The following VGLL4 variants were observed in gnomAD, a reference collection of about 807,000 sequenced individuals.
VGLL4 encodes transcription cofactor vestigial-like protein 4.
A neutral mutation model predicts 21.0 loss-of-function variants in VGLL4; 7 were observed. That is an observed-to-expected ratio of 0.33 (90% CI 0.19 to 0.63). VGLL4 has a LOEUF of 0.63. VGLL4 is among the 20% of genes least tolerant of loss of function. The probability of loss-of-function intolerance (pLI) is 0.78; values close to 1 mark genes in which losing one functional copy is unlikely to be tolerated. For synonymous variants in VGLL4, 222 were observed against 173.2 expected, an observed-to-expected ratio of 1.28 and a Z score of -2.21; for missense variants, 394 against 425.7, an observed-to-expected ratio of 0.93 and a Z score of 0.66.
chr3:11,650,744 CAG>C (rs1553738716), intron 2 of VGLL4, among the ~76,000 whole-genome samples: 13 of 146,828 alleles, frequency 8.9e-5, no homozygotes, highest in Admixed American at 3.4e-4. Context: ...CACACACACA[CAG>C]ACACACACTT....
intron 1 of VGLL4, among the ~76,000 whole-genome samples, chr3:11,705,847 C>T (rs1344707422): frequency 3.3e-5 from 5 of 151,192 alleles, no homozygotes; most frequent in South Asian, 2.1e-4. Flanking sequence ...CATGAACCCG[C>T]GAGGCGGAGC....
At chr3:11,571,751 G>A (rs565925908) in intron 2 of VGLL4, among the ~76,000 whole-genome samples, 8 of 152,142 alleles carry the variant, frequency 5.3e-5, no homozygotes, top group African/African-American at 1.4e-4. Flanking sequence ...CCATGGACCC[G>A]GCAACACAGG....
intron 2 of VGLL4, among the ~76,000 whole-genome samples, chr3:11,652,689 G>C (rs1348429765): frequency 6.6e-6 from 1 of 152,138 alleles, no homozygotes; most frequent in Non-Finnish European, 1.5e-5. Context: ...CCAAAGTACT[G>C]GGACTACAGG....
intron 1 of VGLL4, among the ~76,000 whole-genome samples, chr3:11,623,969 T>A (rs961334440): frequency 5.9e-5 from 9 of 151,908 alleles, no homozygotes; most frequent in African/African-American, 2.2e-4. Context: ...CTCGAACTCC[T>A]GGGCTCAAGT....
At chr3:11,632,334 T>A (rs1346928494) in intron 1 of VGLL4, among the ~76,000 whole-genome samples, 1 of 151,804 alleles carries the variant, frequency 6.6e-6, no homozygotes, top group Non-Finnish European at 1.5e-5. Context: ...AAAAATAAAA[T>A]AAAATTCACT....
chr3:11,558,859 C>T (rs1042355164), intron 4 of VGLL4, 32 bp from the exon 5 acceptor site: 9 of 1,604,728 alleles, frequency 5.6e-6, no homozygotes, highest in Non-Finnish European at 6.8e-6. Context: ...GGCAGTCAGA[C>T]ACAGGTGGCT....
intron 1 of VGLL4, among the ~76,000 whole-genome samples, chr3:11,617,007 A>G (rs1166496503): frequency 2.6e-5 from 4 of 152,230 alleles, no homozygotes; most frequent in Admixed American, 6.5e-5. Flanking sequence ...GACATTTATC[A>G]TAGTAGGAAT....
At position 11,564,954 on chromosome 3, in the gene VGLL4, C is replaced by T. The variant is rs757243456; in HGVS notation, c.338G>A (p.Arg113His). The change falls in exon 3 of 5, where the codon CGC becomes CAC. Residue 113 changes from arginine (R) to histidine (H), a missense_variant. Physicochemically the swap from Arg to His is conservative, Grantham distance 29. Transcript: ENST00000430365. ...PRERSRSPIE[R>H]AVAPTMSLHG... ...CAGGCTCATGGTGGGGGCCACAGCG[C>T]GCTCGATGGGGCTGCGGCTCCGCTC... 6.4e-6 allele frequency: 10 copies of T among 1,567,012 alleles called. No homozygotes were observed. Among genetic ancestry groups the T allele is most frequent in the East Asian group, 4.7e-5 (2 of 42,800 alleles).
At chr3:11,566,091 C>T (rs1438056842) in intron 2 of VGLL4, among the ~76,000 whole-genome samples, 1 of 152,196 alleles carries the variant, frequency 6.6e-6, no homozygotes, top group Non-Finnish European at 1.5e-5. Context: ...AAAGCCTAGG[C>T]CTGCCCTGGT....
chr3:11,696,458 G>T (rs2076608326), intron 2 of VGLL4, among the ~76,000 whole-genome samples: 1 of 152,152 alleles, frequency 6.6e-6, no homozygotes, highest in African/African-American at 2.4e-5. Flanking sequence ...ATCTACTCCG[G>T]CATGTCTGAA....
intron 2 of VGLL4, chr3:11,582,285 C>A: frequency 9.3e-6 from 15 of 1,605,702 alleles, no homozygotes; most frequent in Non-Finnish European, 1.3e-5. Context: ...TTGGTACTAA[C>A]CTCACTTTAA....
At chr3:11,648,731 T>A (rs1305438740), upstream of VGLL4, among the ~76,000 whole-genome samples, 1 of 152,214 alleles carries the variant, frequency 6.6e-6, no homozygotes, top group Non-Finnish European at 1.5e-5. Flanking sequence ...TTGATCTGAA[T>A]AACATTTTTT....
chr3:11,628,058 C>T (rs1421906402), intron 1 of VGLL4, among the ~76,000 whole-genome samples: 1 of 152,202 alleles, frequency 6.6e-6, no homozygotes, highest in Non-Finnish European at 1.5e-5. Flanking sequence ...ACAAGAACTA[C>T]ACTGACTGGA....
At chr3:11,708,141 A>C (rs1330090159) in intron 1 of VGLL4, among the ~76,000 whole-genome samples, 1 of 152,164 alleles carries the variant, frequency 6.6e-6, no homozygotes, top group South Asian at 2.1e-4. Flanking sequence ...GAAAATGGAG[A>C]TATTAATATT....
At chr3:11,700,774 C>T (rs1020311373) in intron 2 of VGLL4, among the ~76,000 whole-genome samples, 1 of 152,168 alleles carries the variant, frequency 6.6e-6, no homozygotes, top group African/African-American at 2.4e-5. Flanking sequence ...ATATTTCTTG[C>T]AATCTTAGAG....
chr3:11,687,749 C>T (rs1020746636), intron 2 of VGLL4, among the ~76,000 whole-genome samples: 2 of 152,148 alleles, frequency 1.3e-5, no homozygotes, highest in South Asian at 2.1e-4. Flanking sequence ...TTTATTGTTA[C>T]GATTTTCTGG....
At chr3:11,648,698 A>G (rs1352074236), upstream of VGLL4, among the ~76,000 whole-genome samples, 1 of 152,234 alleles carries the variant, frequency 6.6e-6, no homozygotes, top group Non-Finnish European at 1.5e-5. Context: ...TAGAAAGAAC[A>G]AAGGAAAAAA....
exon 1 of VGLL4, chr3:11,720,679 C>T (rs1456671797): frequency 1.3e-5 from 2 of 152,312 alleles, no homozygotes; most frequent in Non-Finnish European, 2.9e-5. Flanking sequence ...CCTTCAGCCG[C>T]TCACACACCA....
intron 2 of VGLL4, among the ~76,000 whole-genome samples, chr3:11,690,554 G>T (rs1244503830): frequency 6.6e-6 from 1 of 151,816 alleles, no homozygotes; most frequent in Non-Finnish European, 1.5e-5. Flanking sequence ...CAGACTTTAG[G>T]CCTCTTGAAT....
Sources: allele counts gnomAD v4.1 joint callset (sites outside exome capture counted in the v4.1 genomes callset), GRCh38; gene constraint gnomAD v4.1.1; transcripts MANE v1.5; gene names NCBI Gene and HGNC (gene_info 2026-07-23, HGNC 2026-07-21).